The following PRKCA variants were observed in gnomAD, a reference collection of about 807,000 sequenced individuals.
PRKCA encodes protein kinase C alpha type.
A neutral mutation model predicts 87.0 loss-of-function variants in PRKCA; 27 were observed. The ratio of observed to expected loss-of-function variants is 0.31; its 90% CI spans 0.23 to 0.43. The LOEUF is 0.43. PRKCA is among the 20% of genes least tolerant of loss of function. PRKCA has a pLI of 1.00. For missense variants in PRKCA, 518 were observed against 852.3 expected, an observed-to-expected ratio of 0.61 and a Z score of 4.88; for synonymous variants, 329 against 311.1, an observed-to-expected ratio of 1.06 and a Z score of -0.61.
intron 8 of PRKCA, among the ~76,000 whole-genome samples, chr17:66,711,061 T>A (rs561615301): frequency 1.3e-5 from 2 of 150,974 alleles, no homozygotes; most frequent in East Asian, 1.9e-4. Flanking sequence ...ATAAATAAAA[T>A]AAATAAATAA....
chr17:66,477,941 T>G (rs1409325033), intron 2 of PRKCA, among the ~76,000 whole-genome samples: 2 of 152,188 alleles, frequency 1.3e-5, no homozygotes, highest in Admixed American at 1.3e-4. Context: ...TTGACCTAGC[T>G]TTACCAACTT....
At chr17:66,311,020 G>T (rs971414813) in intron 2 of PRKCA, among the ~76,000 whole-genome samples, 5 of 152,130 alleles carry the variant, frequency 3.3e-5, no homozygotes, top group Non-Finnish European at 7.4e-5. Context: ...GTGGCCTCTG[G>T]CTGCCCGCTG....
At chr17:66,661,415 G>A (rs1041031542) in intron 5 of PRKCA, among the ~76,000 whole-genome samples, 2 of 152,212 alleles carry the variant, frequency 1.3e-5, no homozygotes, top group African/African-American at 4.8e-5. Flanking sequence ...CAGGAAGTGT[G>A]TTCAGGAGGA....
At chr17:66,389,196 T>C (rs1157772087) in intron 2 of PRKCA, among the ~76,000 whole-genome samples, 1 of 152,198 alleles carries the variant, frequency 6.6e-6, no homozygotes, top group Non-Finnish European at 1.5e-5. Context: ...CCCTTCACAA[T>C]AGCCCACACC....
intron 1 of PRKCA, among the ~76,000 whole-genome samples, chr17:66,303,240 C>G (rs1904613781): frequency 6.6e-6 from 1 of 152,072 alleles, no homozygotes. Flanking sequence ...CACCCCCTGG[C>G]GCGAGAGGGA....
chr17:66,654,422 C>T (rs1267543587), intron 5 of PRKCA, among the ~76,000 whole-genome samples: 1 of 152,000 alleles, frequency 6.6e-6, no homozygotes, highest in East Asian at 1.9e-4. Flanking sequence ...TCATCATCAC[C>T]AGCAGCAGCA....
At chr17:66,389,344 G>C (rs542348166) in intron 2 of PRKCA, among the ~76,000 whole-genome samples, 1 of 152,212 alleles carries the variant, frequency 6.6e-6, no homozygotes. Flanking sequence ...CTCCTGCAGC[G>C]TAGTGGATGG....
At chr17:66,751,373 C>G (rs1235786531) in intron 13 of PRKCA, among the ~76,000 whole-genome samples, 1 of 152,184 alleles carries the variant, frequency 6.6e-6, no homozygotes, top group Non-Finnish European at 1.5e-5. Flanking sequence ...AATGCTGGCC[C>G]GCCAGCCTCA....
At chr17:66,485,673 C>T (rs1395621560) in intron 2 of PRKCA, among the ~76,000 whole-genome samples, 2 of 151,876 alleles carry the variant, frequency 1.3e-5, no homozygotes, top group Admixed American at 6.6e-5. Flanking sequence ...TCCATACTGC[C>T]GGCAGACCTA....
chr17:66,353,648 G>A (rs1174120866), intron 2 of PRKCA, among the ~76,000 whole-genome samples: 2 of 152,170 alleles, frequency 1.3e-5, no homozygotes, highest in African/African-American at 4.8e-5. Context: ...CCCGGGAGGC[G>A]GAGGTTGCAG....
chr17:66,515,271 CA>C (rs71367172), intron 3 of PRKCA, among the ~76,000 whole-genome samples: 198 of 96,416 alleles, frequency 2.1e-3, no homozygotes, highest in Middle Eastern at 5.8e-3. Context: ...GACTCTGTCT[CA>C]AAAAAAAAAA....
chr17:66,690,831 A>G, intron 8 of PRKCA, among the ~76,000 whole-genome samples: 1 of 140,724 alleles, frequency 7.1e-6, no homozygotes, highest in East Asian at 2.0e-4. Flanking sequence ...CTGTCTCAAA[A>G]AAAAAAAAAA....
chr17:66,741,917 C>G lies in PRKCA; in HGVS notation c.1385+196C>G, dbSNP rs1280073401. 2.6e-5 allele frequency among the ~76,000 whole-genome samples: 4 copies of G among 152,156 alleles called. No individual in the cohort carries two copies. The East Asian group carries it at 7.7e-4, about 29-fold the overall frequency. On this transcript the variant is annotated intron_variant, in intron 12 of 16. Coordinates refer to ENST00000413366, the MANE Select transcript of PRKCA (RefSeq NM_002737.3). Reference sequence around the variant, plus strand: ...CCTTCTGATTTCTAGACCGCAAAGACTTTATATCTTGTTTCTACTTTTTCC... The same window carrying G: ...CCTTCTGATTTCTAGACCGCAAAGAGTTTATATCTTGTTTCTACTTTTTCC...
At chr17:66,773,211 A>G (rs1260433417) in intron 13 of PRKCA, among the ~76,000 whole-genome samples, 1 of 152,182 alleles carries the variant, frequency 6.6e-6, no homozygotes, top group African/African-American at 2.4e-5. Flanking sequence ...ATCATCTGAC[A>G]TCCAGATTGT....
intron 3 of PRKCA, among the ~76,000 whole-genome samples, chr17:66,509,045 C>G (rs943074674): frequency 2.0e-5 from 3 of 152,030 alleles, no homozygotes; most frequent in Admixed American, 2.0e-4. Flanking sequence ...AGAAGGAACA[C>G]CTCAGTGTAC....
intron 5 of PRKCA, chr17:66,676,713 G>A (rs1972345212): frequency 1.3e-5 from 2 of 152,308 alleles, no homozygotes; most frequent in African/African-American, 2.4e-5. Flanking sequence ...TGTGAGTCAT[G>A]TTTGTCCAGA....
chr17:66,505,875 T>G (rs1010783832), intron 3 of PRKCA, among the ~76,000 whole-genome samples: 1 of 152,178 alleles, frequency 6.6e-6, no homozygotes, highest in Non-Finnish European at 1.5e-5. Context: ...TATTTTGAAT[T>G]TTAGAGGTGA....
chr17:66,661,114 C>T (rs892750664), intron 5 of PRKCA, among the ~76,000 whole-genome samples: 1 of 152,172 alleles, frequency 6.6e-6, no homozygotes, highest in African/African-American at 2.4e-5. Context: ...TTTTCCACAA[C>T]ACGTTAGACT....
intron 3 of PRKCA, among the ~76,000 whole-genome samples, chr17:66,588,198 G>A (rs1969681049): frequency 6.6e-6 from 1 of 151,996 alleles, no homozygotes; most frequent in Non-Finnish European, 1.5e-5. Context: ...TTGCCTCTCT[G>A]TGATTGCTGG....
Sources: gnomAD v4.1 joint callset for allele counts (sites outside exome capture counted in the v4.1 genomes callset) on GRCh38, gnomAD v4.1.1 for gene constraint, MANE v1.5 for transcripts, NCBI Gene and HGNC (gene_info 2026-07-23, HGNC 2026-07-21) for gene names.